EXOC4: variants seen among roughly 807,000 people sequenced by gnomAD.
The protein encoded by EXOC4 is exocyst complex component 4.
In EXOC4, 71 loss-of-function variants were observed where a neutral mutation model predicts 107.2. The ratio of observed to expected loss-of-function variants is 0.66; its 90% CI spans 0.55 to 0.81. The LOEUF is 0.81. Ranked by LOEUF, EXOC4 falls within the 30% of genes least tolerant of loss-of-function variation. The pLI is 0.00. For synonymous variants in EXOC4, 456 were observed against 441.2 expected (o/e 1.03, Z -0.42); for missense variants, 1,108 against 1,189.6 (o/e 0.93, Z 1.01).
intron 5 of EXOC4, among the ~76,000 whole-genome samples, chr7:133,342,880 G>GT (rs1030225697): frequency 5.3e-5 from 8 of 152,016 alleles, no homozygotes; most frequent in Admixed American, 1.3e-4. Context: ...GTGATTGATT[G>GT]TTTTTTATTT....
At chr7:134,005,675 A>C (rs532960759) in intron 16 of EXOC4, among the ~76,000 whole-genome samples, 1 of 152,302 alleles carries the variant, frequency 6.6e-6, no homozygotes, top group African/African-American at 2.4e-5. Context: ...ATAATTTTTC[A>C]TGGTGAATTT....
intron 14 of EXOC4, among the ~76,000 whole-genome samples, chr7:133,982,420 C>CG (rs1563080011): frequency 1.3e-5 from 2 of 152,022 alleles, no homozygotes; most frequent in African/African-American, 2.4e-5. Flanking sequence ...GGCGTGGTGG[C>CG]GGGTGCTTGT....
intron 14 of EXOC4, among the ~76,000 whole-genome samples, chr7:133,983,934 A>G (rs976731575): frequency 6.6e-6 from 1 of 152,150 alleles, no homozygotes; most frequent in Non-Finnish European, 1.5e-5. Flanking sequence ...AATTGGCCAC[A>G]CCATATGCTT....
At chr7:133,766,443 A>T (rs1013082695) in intron 10 of EXOC4, among the ~76,000 whole-genome samples, 1 of 152,030 alleles carries the variant, frequency 6.6e-6, no homozygotes, top group African/African-American at 2.4e-5. Flanking sequence ...TAAAATAATA[A>T]TAGTGACATT....
chr7:133,297,266 CACTT>C (rs769615606), intron 3 of EXOC4, among the ~76,000 whole-genome samples: 11 of 152,116 alleles, frequency 7.2e-5, no homozygotes, highest in Non-Finnish European at 1.2e-4. Context: ...GTAGTTAACT[CACTT>C]AGTTTTTAAA....
chr7:133,825,367 AAAATAAAT>A (rs766654218), intron 11 of EXOC4, among the ~76,000 whole-genome samples: 1 of 151,990 alleles, frequency 6.6e-6, no homozygotes, highest in Non-Finnish European at 1.5e-5. Context: ...TCTGTCTCTA[AAAATAAAT>A]AAATAAATAA....
chr7:133,586,623 T>G (rs886998929), intron 9 of EXOC4, among the ~76,000 whole-genome samples: 3 of 152,216 alleles, frequency 2.0e-5, no homozygotes, highest in African/African-American at 7.2e-5. Flanking sequence ...TTATATTCTT[T>G]CGGGTATATA....
At chr7:133,633,013 G>C (rs1322453998) in intron 10 of EXOC4, among the ~76,000 whole-genome samples, 1 of 152,154 alleles carries the variant, frequency 6.6e-6, no homozygotes, top group East Asian at 1.9e-4. Flanking sequence ...TTCAGGACTA[G>C]GCTCCTTCAC....
At chr7:133,905,407 C>G (rs1378559352) in intron 12 of EXOC4, among the ~76,000 whole-genome samples, 1 of 152,086 alleles carries the variant, frequency 6.6e-6, no homozygotes, top group Non-Finnish European at 1.5e-5. Flanking sequence ...CCCCTTGGGG[C>G]TTAAAGGGAA....
downstream of EXOC4, among the ~76,000 whole-genome samples, chr7:134,067,790 T>C (rs1045107332): frequency 1.3e-5 from 2 of 152,130 alleles, no homozygotes; most frequent in Non-Finnish European, 2.9e-5. Flanking sequence ...AACTACTCTT[T>C]GGGTGATATT....
At chr7:133,579,629 A>G (rs1334728529) in intron 9 of EXOC4, among the ~76,000 whole-genome samples, 1 of 152,032 alleles carries the variant, frequency 6.6e-6, no homozygotes, top group African/African-American at 2.4e-5. Context: ...CCATTAAACA[A>G]TAATTCCCCA....
At chr7:133,257,239 G>T (rs35952093) in intron 1 of EXOC4, among the ~76,000 whole-genome samples, 53,946 of 151,580 alleles carry the variant, frequency 0.36, 11,812 homozygotes, top group African/African-American at 0.63. Context: ...GGAACTAACC[G>T]GGGGGGACAG....
chr7:133,886,262 G>A (rs1485743184), intron 11 of EXOC4, among the ~76,000 whole-genome samples: 2 of 152,160 alleles, frequency 1.3e-5, no homozygotes, highest in African/African-American at 4.8e-5. Flanking sequence ...CACCACTTCG[G>A]TTTTCTTTGA....
chr7:133,500,723 G>A (rs531542529), intron 9 of EXOC4, among the ~76,000 whole-genome samples: 1 of 152,222 alleles, frequency 6.6e-6, no homozygotes, highest in East Asian at 1.9e-4. Context: ...TAAAATAAAT[G>A]TATTATTTTA....
rs112902672 is a variant in EXOC4, at chr7:133,639,020, C to T, written c.1514+8879C>T. On this transcript the variant is annotated intron_variant, in intron 10 of 17. Transcript: ENST00000253861. Reference sequence around the variant, plus strand: ...TGTTCGTCTTTTGGACTGCAGTACCCAAAATGTGCTTATTCAGCATTTGAC... The same window carrying T: ...TGTTCGTCTTTTGGACTGCAGTACCTAAAATGTGCTTATTCAGCATTTGAC... Among the ~76,000 whole-genome samples, 207 of 152,228 alleles carry T rather than the reference C, an allele frequency of 1.4e-3. 1 individual carries two copies. Among genetic ancestry groups the T allele is most frequent in the African/African-American group, 4.7e-3 (195 of 41,550 alleles).
intron 11 of EXOC4, among the ~76,000 whole-genome samples, chr7:133,823,887 TATATA>T (rs1797622153): frequency 4.5e-5 from 1 of 22,366 alleles, no homozygotes; most frequent in Non-Finnish European, 6.6e-5. Context: ...TATATATATA[TATATA>T]TTTTATATAT....
intron 17 of EXOC4, among the ~76,000 whole-genome samples, chr7:134,063,907 T>C (rs1796127834): frequency 6.6e-6 from 1 of 152,158 alleles, no homozygotes; most frequent in Non-Finnish European, 1.5e-5. Context: ...CAATGAATAA[T>C]GAATGAATGA....
chr7:133,802,144 G>A (rs925883164), intron 10 of EXOC4, among the ~76,000 whole-genome samples: 2 of 152,184 alleles, frequency 1.3e-5, no homozygotes, highest in Admixed American at 6.5e-5. Context: ...AGAAAGCATG[G>A]TGGACTAATT....
At chr7:133,883,119 G>C (rs1563041989) in intron 11 of EXOC4, among the ~76,000 whole-genome samples, 1 of 152,002 alleles carries the variant, frequency 6.6e-6, no homozygotes, top group African/African-American at 2.4e-5. Context: ...CCCTGATTTT[G>C]AACTACAATA....
Sources: gnomAD v4.1 joint callset for allele counts (sites outside exome capture counted in the v4.1 genomes callset) on GRCh38, gnomAD v4.1.1 for gene constraint, MANE v1.5 for transcripts, NCBI Gene and HGNC (gene_info 2026-07-23, HGNC 2026-07-21) for gene names.